IMMP2L: variants seen among roughly 807,000 people sequenced by gnomAD.
The protein encoded by IMMP2L is mitochondrial inner membrane protease subunit 2.
IMMP2L carries 18 observed loss-of-function variants against 19.3 expected under a neutral mutation model. The observed-to-expected ratio is 0.93, with a 90% CI of 0.64 to 1.38. IMMP2L has a LOEUF of 1.38. Among genes scored for constraint, IMMP2L ranks in the 40% most tolerant of loss-of-function variants. The probability of loss-of-function intolerance (pLI) is 0.00; values close to 1 mark genes in which losing one functional copy is unlikely to be tolerated. For synonymous variants in IMMP2L, 76 were observed against 73.0 expected, an observed-to-expected ratio of 1.04 and a Z score of -0.21; for missense variants, 233 against 218.2, an observed-to-expected ratio of 1.07 and a Z score of -0.43.
chr7:110,845,871 G>T (rs944550253), intron 5 of IMMP2L, among the ~76,000 whole-genome samples: 8 of 152,116 alleles, frequency 5.3e-5, no homozygotes, highest in African/African-American at 1.4e-4. Flanking sequence ...AGGTGCTAGA[G>T]AATTTCCTTG....
At chr7:111,071,484 G>T (rs1179482466) in intron 3 of IMMP2L, among the ~76,000 whole-genome samples, 1 of 151,984 alleles carries the variant, frequency 6.6e-6, no homozygotes, top group Non-Finnish European at 1.5e-5. Context: ...ATGAAAAAAA[G>T]AAACAAATAT....
chr7:111,312,596 C>T (rs1303168515), intron 3 of IMMP2L, among the ~76,000 whole-genome samples: 1 of 152,030 alleles, frequency 6.6e-6, no homozygotes, highest in East Asian at 1.9e-4. Flanking sequence ...CAAAAACAGC[C>T]AACAGGAGTC....
rs552035989 is a variant in IMMP2L at position 110,936,072 on chromosome 7, G to A, written c.305+27428C>T. Among the ~76,000 whole-genome samples the A allele has an allele frequency of 3.6e-3, 552 of 152,142 alleles. 4 individuals are homozygous for A. The highest frequency in any genetic ancestry group is 0.013 in the African/African-American group (528 of 41,508). ...CTCAAGATGGATTAAAGACTTAAAC[G>A]TAAGACCTAAAACCATAAAAACCCT... On this transcript the variant is annotated intron_variant, in intron 4 of 5. Transcript: ENST00000405709.
chr7:110,880,212 A>T (rs752476768), intron 5 of IMMP2L, among the ~76,000 whole-genome samples: 2 of 152,106 alleles, frequency 1.3e-5, no homozygotes, highest in Non-Finnish European at 2.9e-5. Context: ...AAGTGTAGTT[A>T]TCATGATTCA....
At chr7:110,846,035 T>C (rs1428192441) in intron 5 of IMMP2L, among the ~76,000 whole-genome samples, 3 of 152,186 alleles carry the variant, frequency 2.0e-5, no homozygotes, top group Non-Finnish European at 4.4e-5. Context: ...CTAAGTTTCC[T>C]AGTTTATGGT....
intron 5 of IMMP2L, among the ~76,000 whole-genome samples, chr7:110,860,760 G>A (rs921573514): frequency 1.3e-5 from 2 of 152,040 alleles, no homozygotes; most frequent in African/African-American, 4.8e-5. Flanking sequence ...AGGCTTGCAG[G>A]TGAATCCACC....
At chr7:111,524,802 TAC>T (rs1178001856) in intron 1 of IMMP2L, among the ~76,000 whole-genome samples, 1 of 146,276 alleles carries the variant, frequency 6.8e-6, no homozygotes, top group Non-Finnish European at 1.5e-5. Flanking sequence ...TGAACACCAC[TAC>T]CAGATCCTAC....
chr7:111,478,905 T>C lies in IMMP2L; in HGVS notation c.239+8333A>G, dbSNP rs192811248. 2.0e-4 allele frequency among the ~76,000 whole-genome samples: 31 copies of C among 152,360 alleles called. No individual in the cohort carries two copies. In the East Asian group the frequency reaches 5.6e-3, roughly 27 times the overall value. On this transcript the variant is annotated intron_variant, in intron 3 of 5. Transcript: ENST00000405709. ...AAAAAATTATAGAAACTCTGCATGA[T>C]GTCTCTTGCTTCCAGCAATGACAGA...
intron 3 of IMMP2L, among the ~76,000 whole-genome samples, chr7:111,011,103 G>C (rs943667217): frequency 7.9e-5 from 12 of 152,032 alleles, no homozygotes; most frequent in South Asian, 2.1e-4. Context: ...ACTGACGAGA[G>C]GGTAGAGATG....
At position 111,391,769 on chromosome 7, in the gene IMMP2L, A is replaced by G. The variant is rs939283872; in HGVS notation, c.239+95469T>C. ...CAGAAAAATGGCAAAAAGACAAACAACTACGATAAGAGTATGAGTTCAAGG... is the reference window on the plus strand; with the variant it reads ...CAGAAAAATGGCAAAAAGACAAACAGCTACGATAAGAGTATGAGTTCAAGG... On this transcript the variant is annotated intron_variant, in intron 3 of 5. Transcript: ENST00000405709. The G allele has an allele frequency of 8.3e-6, 5 of 605,382 alleles. No individual in the cohort carries two copies. The African/African-American group carries it at 9.3e-5, about 11-fold the overall frequency. 37.5% of individuals were successfully genotyped at this position (605,382 alleles called of 1,614,324 possible). A position where few individuals can be genotyped will look rare whatever the true frequency, so the allele number is the denominator to read the frequency against.
At chr7:110,919,898 C>G (rs1343830447) in intron 4 of IMMP2L, among the ~76,000 whole-genome samples, 4 of 152,082 alleles carry the variant, frequency 2.6e-5, no homozygotes, top group Non-Finnish European at 4.4e-5. Context: ...CTGGGTACTA[C>G]GTAAATTGCT....
intron 3 of IMMP2L, among the ~76,000 whole-genome samples, chr7:111,337,869 C>G (rs993463715): frequency 2.0e-5 from 3 of 152,110 alleles, no homozygotes; most frequent in African/African-American, 7.2e-5. Flanking sequence ...GCAAAACCAG[C>G]AACAGCATCA....
intron 3 of IMMP2L, among the ~76,000 whole-genome samples, chr7:111,070,291 A>T (rs1794844170): frequency 1.3e-5 from 2 of 152,316 alleles, no homozygotes; most frequent in Admixed American, 6.5e-5. Context: ...TGAAAATATC[A>T]GCAGTCTAAC....
intron 5 of IMMP2L, among the ~76,000 whole-genome samples, chr7:110,766,263 C>T (rs961546818): frequency 1.3e-5 from 2 of 152,028 alleles, no homozygotes; most frequent in African/African-American, 4.8e-5. Context: ...GTATTTGACT[C>T]CAATCTGGAA....
At chr7:111,099,824 T>A (rs1797780625) in intron 3 of IMMP2L, 1 of 151,794 alleles carries the variant, frequency 6.6e-6, no homozygotes. Flanking sequence ...AGGACATGTA[T>A]AATTTAAAAT....
At chr7:111,104,188 C>T (rs1798286499) in intron 3 of IMMP2L, among the ~76,000 whole-genome samples, 1 of 151,598 alleles carries the variant, frequency 6.6e-6, no homozygotes, top group South Asian at 2.1e-4. Flanking sequence ...CCTGCCTTTA[C>T]TATTCGCATC....
intron 5 of IMMP2L, among the ~76,000 whole-genome samples, chr7:110,859,836 T>C (rs1807207502): frequency 6.6e-6 from 1 of 152,074 alleles, no homozygotes. Context: ...GAGTAAAGTG[T>C]AGTTTTTTTA....
intron 3 of IMMP2L, among the ~76,000 whole-genome samples, chr7:111,013,405 A>G (rs1488200081): frequency 6.6e-6 from 1 of 152,172 alleles, no homozygotes; most frequent in Non-Finnish European, 1.5e-5. Flanking sequence ...GGAAAGTAGC[A>G]ATAAGGACAG....
chr7:110,984,125 T>C (rs1189645980), intron 3 of IMMP2L, among the ~76,000 whole-genome samples: 1 of 152,000 alleles, frequency 6.6e-6, no homozygotes, highest in East Asian at 1.9e-4. Context: ...ACGGAGAACA[T>C]GTAAATGCAG....
Sources: allele counts gnomAD v4.1 joint callset (sites outside exome capture counted in the v4.1 genomes callset), GRCh38; gene constraint gnomAD v4.1.1; transcripts MANE v1.5; gene names NCBI Gene and HGNC (gene_info 2026-07-23, HGNC 2026-07-21).